APMAP: variants seen among roughly 807,000 people sequenced by gnomAD.
The protein encoded by APMAP is adipocyte plasma membrane associated protein, also known as adipocyte plasma membrane-associated protein.
Under a neutral mutation model 43.6 loss-of-function variants are expected in APMAP, and 33 were observed. The observed-to-expected ratio is 0.76, with a 90% confidence interval of 0.57 to 1.01. The LOEUF is 1.01. Among genes scored for constraint, APMAP ranks in the 50% least tolerant of loss-of-function variants. The pLI is 0.00. For synonymous variants in APMAP, 224 were observed against 216.7 expected (o/e 1.03, Z -0.30); for missense variants, 498 against 540.7 (o/e 0.92, Z 0.78).
At chr20:24,983,022 C>T (rs1017278869) in intron 2 of APMAP, among the ~76,000 whole-genome samples, 1 of 152,222 alleles carries the variant, frequency 6.6e-6, no homozygotes, top group Non-Finnish European at 1.5e-5. Context: ...TGTGTGTTTA[C>T]AGCACCTTGT....
At chr20:24,968,002 C>T (rs973067444) in intron 8 of APMAP, among the ~76,000 whole-genome samples, 7 of 152,260 alleles carry the variant, frequency 4.6e-5, no homozygotes, top group African/African-American at 1.7e-4. Flanking sequence ...CAACAGGACT[C>T]AGCAACTGCT....
In APMAP at chr20:24,981,172, C is replaced by T. The variant is rs569129097; in HGVS notation, c.213-2290G>A. The stretch of plus-strand genomic sequence containing the variant: ...GCTGCAGGGCTTTGCCAAAAACCTG[C>T]CCTGCAAAGTCACTTTCCCTTCTTT... On this transcript the variant is annotated intron_variant, in intron 2 of 8. Transcript: ENST00000217456. Among the ~76,000 whole-genome samples, 13 of 152,334 alleles carry T rather than the reference C, an allele frequency of 8.5e-5. No individual in the cohort carries two copies. In the South Asian group the frequency reaches 2.7e-3, roughly 32 times the overall value.
rs565190717 is a variant in APMAP, at chr20:24,982,832, C to T, written c.212+1071G>A. 6.7e-3 allele frequency among the ~76,000 whole-genome samples: 746 copies of T among 110,746 alleles called. 4 individuals carry two copies. Among genetic ancestry groups the T allele is most frequent in the Middle Eastern group, 0.023 (5 of 218 alleles). The allele number at this position is 110,746 out of a possible 152,430, so 72.7% of individuals were successfully genotyped here. ...GCCCCTCCCTCAACACATCAGGGGA[C>T]CCCCCCCCGCCACCCACCCCTGACG... is the stretch of plus-strand genomic sequence containing the variant. On this transcript the variant is annotated intron_variant, in intron 2 of 8. Coordinates refer to ENST00000217456, the MANE Select transcript of APMAP (RefSeq NM_020531.3).
In APMAP at chr20:24,970,460, A is replaced by C. The variant is rs2122491825; in HGVS notation, c.539-89T>G. On this transcript the variant is annotated intron_variant, in intron 5 of 8. Transcript: ENST00000217456. ...ATTAACCAACCTAACTGATTTAAAA[A>C]GAAAAACTGAAACTTCTCCATGTCA... 5 of 1,241,584 alleles carry C rather than the reference A, an allele frequency of 4.0e-6. No homozygotes were observed. In the East Asian group the frequency reaches 1.2e-4, roughly 30 times the overall value. 76.9% of individuals were successfully genotyped at this position (1,241,584 alleles called of 1,614,324 possible). A position where few individuals can be genotyped will look rare whatever the true frequency, so the allele number is the denominator to read the frequency against.
rs2087985702 is a variant in APMAP at position 24,970,132 on chromosome 20, C to T, written c.713+65G>A. The T allele has an allele frequency of 3.2e-6, 5 of 1,575,852 alleles. No individual in the cohort carries two copies. In the South Asian group the frequency reaches 4.5e-5, roughly 14 times the overall value. On this transcript the variant is annotated intron_variant, in intron 6 of 8. Coordinates refer to ENST00000217456, the MANE Select transcript of APMAP (RefSeq NM_020531.3). ...TCCCTTGGTCCCTAGAAGTAACAGG[C>T]TCTGCTGAAGCAACTGGCCTGGCTG...
At chr20:24,979,348 G>A (rs2088080556) in intron 2 of APMAP, among the ~76,000 whole-genome samples, 1 of 152,178 alleles carries the variant, frequency 6.6e-6, no homozygotes, top group Admixed American at 6.5e-5. Context: ...CCTGGGACTG[G>A]AGCCACCGTC....
chr20:24,969,144 T>G, intron 7 of APMAP, 60 bp from the exon 8 acceptor site: 1 of 1,478,246 alleles, frequency 6.8e-7, no homozygotes, highest in South Asian at 1.4e-5. Context: ...AAAAAAAATT[T>G]TAGCCAAGCA....
At chr20:24,987,271 G>A (rs1164991035) in intron 1 of APMAP, among the ~76,000 whole-genome samples, 2 of 152,186 alleles carry the variant, frequency 1.3e-5, no homozygotes, top group Non-Finnish European at 2.9e-5. Flanking sequence ...CTACAGGTGT[G>A]CACCACCACA....
intron 8 of APMAP, among the ~76,000 whole-genome samples, chr20:24,968,649 C>T (rs1274588786): frequency 6.6e-6 from 1 of 152,046 alleles, no homozygotes; most frequent in Non-Finnish European, 1.5e-5. Context: ...GACAGGCAGG[C>T]AGATGCCCAA....
chr20:24,985,696 A>G (rs1186794334), intron 1 of APMAP, among the ~76,000 whole-genome samples: 1 of 152,216 alleles, frequency 6.6e-6, no homozygotes, highest in Non-Finnish European at 1.5e-5. Context: ...TTTGGAATAG[A>G]GCTGTGGGTG....
intron 6 of APMAP, 101 bp from the exon 7 acceptor site, chr20:24,969,761 G>A (rs991007490): frequency 2.5e-5 from 36 of 1,437,612 alleles, no homozygotes; most frequent in South Asian, 1.2e-4. Context: ...GCCTCACCCC[G>A]GAGCAACAGG....
intron 8 of APMAP, among the ~76,000 whole-genome samples, chr20:24,967,525 CAAAT>C (rs1055265735): frequency 4.6e-5 from 7 of 152,154 alleles, no homozygotes; most frequent in African/African-American, 1.4e-4. Flanking sequence ...TGGAGGATGA[CAAAT>C]GAACTATGCA....
At chr20:24,981,913 C>G (rs1269040371) in intron 2 of APMAP, among the ~76,000 whole-genome samples, 1 of 152,218 alleles carries the variant, frequency 6.6e-6, no homozygotes, top group African/African-American at 2.4e-5. Context: ...AGGGCTGCAG[C>G]TGAGTCAGCA....
intron 8 of APMAP, among the ~76,000 whole-genome samples, chr20:24,967,159 G>T (rs1568810391): frequency 1.3e-5 from 2 of 152,170 alleles, no homozygotes; most frequent in Non-Finnish European, 2.9e-5. Context: ...GCCAAGCGTG[G>T]TGGTACACAC....
chr20:24,978,738 G>GCCCCCCCCCCC, intron 3 of APMAP, 29 bp downstream of exon 3: 4 of 1,309,728 alleles, frequency 3.1e-6, no homozygotes, highest in South Asian at 1.2e-5. Context: ...AGCCTGGAAG[G>GCCCCCCCCCCC]CTCCCCCCCC....
chr20:24,972,207 A>G (rs1483560695), intron 4 of APMAP, among the ~76,000 whole-genome samples: 38 of 92,674 alleles, frequency 4.1e-4, no homozygotes, highest in South Asian at 7.4e-4. Flanking sequence ...ACTGTGAGGT[A>G]CTCACTGCAG....
chr20:24,974,118 C>A (rs1376782869), intron 3 of APMAP: 1 of 159,502 alleles, frequency 6.3e-6, no homozygotes, highest in East Asian at 1.8e-4. Flanking sequence ...TTATATCCAA[C>A]TAAAGGAGAA....
At chr20:24,990,150 T>A (rs1168345831) in intron 1 of APMAP, among the ~76,000 whole-genome samples, 1 of 152,212 alleles carries the variant, frequency 6.6e-6, no homozygotes, top group African/African-American at 2.4e-5. Context: ...ATAATAATTA[T>A]AAGCTTGCAC....
rs1316276094 is a variant in APMAP at position 24,969,644 on chromosome 20, T to C, written c.730A>G (p.Thr244Ala). Reference sequence around the variant, plus strand: ...AAAACTTTTACTTCCCTGGTCACAGTATCATACTCCAGCAGGCTGTGGAAC... The same window carrying C: ...AAAACTTTTACTTCCCTGGTCACAGCATCATACTCCAGCAGGCTGTGGAAC... ...TDDGRLLEYD[T>A]VTREVKVLLD... Residue 244 changes from threonine to alanine, a missense_variant, in exon 7 of 9, where the codon ACT becomes GCT. Physicochemically the swap from Thr to Ala is moderately conservative, Grantham distance 58 (BLOSUM62 0). Transcript: ENST00000217456. 1 of 1,613,380 alleles carries C rather than the reference T, an allele frequency of 6.2e-7. No individual in the cohort carries two copies. The highest frequency in any genetic ancestry group is 8.5e-7 in the Non-Finnish European group (1 of 1,179,398).
Sources: allele counts gnomAD v4.1 joint callset (sites outside exome capture counted in the v4.1 genomes callset), GRCh38; gene constraint gnomAD v4.1.1; transcripts MANE v1.5; gene names NCBI Gene and HGNC (gene_info 2026-07-23, HGNC 2026-07-21).